C10orf90: variants seen among roughly 807,000 people sequenced by gnomAD.
C10orf90 encodes (E2-independent) E3 ubiquitin-conjugating enzyme FATS.
In C10orf90, 56 loss-of-function variants were observed where a neutral mutation model predicts 62.5. The ratio of observed to expected loss-of-function variants is 0.90; its 90% CI spans 0.72 to 1.12. The LOEUF is 1.12. Among genes scored for constraint, C10orf90 ranks in the 50% most tolerant of loss-of-function variants. The pLI is 0.00. For synonymous variants in C10orf90, 386 were observed against 340.4 expected (o/e 1.13, Z -1.47); for missense variants, 970 against 880.4 (o/e 1.10, Z -1.29).
rs1863713305 is a variant in C10orf90, at chr10:126,520,995, A to C, written c.314-7056T>G. ...TTATCCAAATGGCCCTTATCCCAAT[A>C]AGGTCACATTCACAGGGATCAGGGG... On this transcript the variant is annotated intron_variant, in intron 2 of 9. Transcript: ENST00000488181. The C allele has an allele frequency of 1.8e-5, 5 of 277,100 alleles. No homozygotes were observed. The Middle Eastern group carries it at 3.0e-3, about 167-fold the overall frequency. The allele number at this position is 277,100 out of a possible 1,614,324, so 17.2% of individuals were successfully genotyped here.
At chr10:126,468,094 T>G (rs1021507785) in intron 4 of C10orf90, among the ~76,000 whole-genome samples, 7 of 149,846 alleles carry the variant, frequency 4.7e-5, no homozygotes, top group Non-Finnish European at 7.4e-5. Flanking sequence ...TTTTTTTTTT[T>G]GACAGAGTCT....
intron 2 of C10orf90, among the ~76,000 whole-genome samples, chr10:126,533,925 A>G (rs1864168114): frequency 1.3e-5 from 2 of 152,198 alleles, no homozygotes; most frequent in Admixed American, 6.5e-5. Context: ...GAGTGGACCC[A>G]ATCCAGAGTG....
At chr10:126,521,462 A>G in intron 2 of C10orf90, 1 of 1,486,536 alleles carries the variant, frequency 6.7e-7, no homozygotes, top group Non-Finnish European at 8.9e-7. Context: ...TCCACCTTCC[A>G]GCCTCGGCCA....
Position 126,636,400 on chromosome 10 carries a change from C to T in C10orf90, c.313+10165G>A, listed in dbSNP as rs1418519252. Among the ~76,000 whole-genome samples, 5 of 152,122 alleles carry T rather than the reference C, an allele frequency of 3.3e-5. No individual in the cohort carries two copies. In the East Asian group the frequency reaches 5.8e-4, roughly 18 times the overall value. On this transcript the variant is annotated intron_variant, in intron 2 of 9. Coordinates refer to ENST00000488181, the MANE Select transcript of C10orf90 (RefSeq NM_001350921.2). The stretch of plus-strand genomic sequence containing the variant: ...TGTTGAAAAAGAAGAGAGAGGCAAG[C>T]AGGTTAGGAGGTAATTCGTTCCAAA...
At chr10:126,565,447 C>G (rs1291980940) in intron 2 of C10orf90, among the ~76,000 whole-genome samples, 12 of 70,488 alleles carry the variant, frequency 1.7e-4, no homozygotes, top group Non-Finnish European at 3.2e-4. Flanking sequence ...TACACACACA[C>G]ACACACACAC....
At chr10:126,584,553 T>C (rs1023258121) in intron 2 of C10orf90, among the ~76,000 whole-genome samples, 11 of 152,118 alleles carry the variant, frequency 7.2e-5, no homozygotes, top group African/African-American at 2.4e-4. Flanking sequence ...GCAAGCCTGG[T>C]ATTTCATTTG....
At chr10:126,472,652 G>T (rs1190734495) in intron 4 of C10orf90, among the ~76,000 whole-genome samples, 2 of 152,046 alleles carry the variant, frequency 1.3e-5, no homozygotes, top group African/African-American at 2.4e-5. Context: ...TACCAAGCAG[G>T]CAATGCTGCA....
chr10:126,565,122 A>T lies in C10orf90; in HGVS notation c.314-51183T>A, dbSNP rs1355505825. Among the ~76,000 whole-genome samples the T allele has an allele frequency of 6.2e-4, 18 of 28,848 alleles. 1 individual carries two copies. Among genetic ancestry groups the T allele is most frequent in the African/African-American group, 1.9e-3 (13 of 6,942 alleles). 18.9% of individuals were successfully genotyped at this position (28,848 alleles called of 152,430 possible). A position where few individuals can be genotyped will look rare whatever the true frequency, so the allele number is the denominator to read the frequency against. ...TAATATATAAAATATATATTATATAATATATAATATAAATATAATATTAAA... is the reference window on the plus strand; with the variant it reads ...TAATATATAAAATATATATTATATATTATATAATATAAATATAATATTAAA... On this transcript the variant is annotated intron_variant, in intron 2 of 9. Coordinates refer to ENST00000488181, the MANE Select transcript of C10orf90 (RefSeq NM_001350921.2).
At chr10:126,495,468 G>A (rs551461785) in intron 4 of C10orf90, among the ~76,000 whole-genome samples, 2 of 152,318 alleles carry the variant, frequency 1.3e-5, no homozygotes, top group South Asian at 2.1e-4. Context: ...TTGCAGTAAT[G>A]CCCTCATGGG....
intron 2 of C10orf90, among the ~76,000 whole-genome samples, chr10:126,578,252 G>A (rs907194847): frequency 6.6e-6 from 1 of 152,094 alleles, no homozygotes; most frequent in East Asian, 1.9e-4. Flanking sequence ...CAAAGAATTT[G>A]TATCCAGAGT....
chr10:126,477,852 T>A (rs1350099574), intron 4 of C10orf90, among the ~76,000 whole-genome samples: 1 of 152,214 alleles, frequency 6.6e-6, no homozygotes, highest in African/African-American at 2.4e-5. Context: ...TGTAAAATCC[T>A]GTGCTGTAGT....
intron 2 of C10orf90, among the ~76,000 whole-genome samples, chr10:126,564,803 T>A: frequency 1.1e-5 from 1 of 94,572 alleles, no homozygotes; most frequent in African/African-American, 4.3e-5. Context: ...ATGACTCAAT[T>A]ACAAGTTTAG....
Position 126,453,613 on chromosome 10 carries a change from C to T in C10orf90, c.2188+5427G>A, listed in dbSNP as rs535252906. 6.6e-6 allele frequency among the ~76,000 whole-genome samples: 1 copy of T among 152,184 alleles called. No homozygotes were observed. The highest frequency in any genetic ancestry group is 1.9e-4 in the East Asian group (1 of 5,168). Reference sequence around the variant, plus strand: ...GAAATGAGCTGAGAACAGAAGGGGGCAACGTGGGCTGAGTTTGAGCACTGT... The same window carrying T: ...GAAATGAGCTGAGAACAGAAGGGGGTAACGTGGGCTGAGTTTGAGCACTGT... On this transcript the variant is annotated intron_variant, in intron 7 of 9. Coordinates refer to ENST00000488181, the MANE Select transcript of C10orf90 (RefSeq NM_001350921.2). The surrounding 1 kb of genome is among the most constrained non-coding windows in gnomAD (Gnocchi z 4.9).
chr10:126,453,689 A>G lies in C10orf90; in HGVS notation c.2188+5351T>C, dbSNP rs542952713. Among the ~76,000 whole-genome samples, 137 of 152,232 alleles carry G rather than the reference A, an allele frequency of 9.0e-4. 1 individual carries two copies. Among genetic ancestry groups the G allele is most frequent in the Non-Finnish European group, 2.5e-4 (17 of 68,014 alleles). ...CAGGCAGTAGCAGTAATTCATAACA[A>G]AGTGCTCGGCTGAGAGATGAAAGCC... is the stretch of plus-strand genomic sequence containing the variant. On this transcript the variant is annotated intron_variant, in intron 7 of 9. Coordinates refer to ENST00000488181, the MANE Select transcript of C10orf90 (RefSeq NM_001350921.2). The surrounding 1 kb of genome is among the most constrained non-coding windows in gnomAD (Gnocchi z 4.9).
chr10:126,649,040 C>CTCTCTG (rs1846230748), intron 1 of C10orf90, among the ~76,000 whole-genome samples: 1 of 23,824 alleles, frequency 4.2e-5, no homozygotes, highest in Non-Finnish European at 9.9e-5. Flanking sequence ...CTCTGTCTCT[C>CTCTCTG]TCTCTCTCTC....
chr10:126,508,596 T>A (rs1390937610), intron 3 of C10orf90, among the ~76,000 whole-genome samples: 6 of 151,870 alleles, frequency 4.0e-5, no homozygotes, highest in African/African-American at 1.5e-4. Context: ...AGAATTTGTA[T>A]CTTTCACCAG....
chr10:126,523,263 A>G lies in C10orf90; in HGVS notation c.314-9324T>C, dbSNP rs114296103. On this transcript the variant is annotated intron_variant, in intron 2 of 9. Coordinates refer to ENST00000488181, the MANE Select transcript of C10orf90 (RefSeq NM_001350921.2). ...GAGTGTGGGTCTCTCCTGGTGACAG[A>G]GCAGGGGCACCAGACTCAAGGATGA... is the stretch of plus-strand genomic sequence containing the variant. Among the ~76,000 whole-genome samples, 665 of 152,240 alleles carry G rather than the reference A, an allele frequency of 4.4e-3. 2 individuals carry two copies. Among genetic ancestry groups the G allele is most frequent in the African/African-American group, 0.015 (637 of 41,544 alleles).
At chr10:126,496,095 C>T (rs973047502) in intron 4 of C10orf90, among the ~76,000 whole-genome samples, 8 of 152,194 alleles carry the variant, frequency 5.3e-5, no homozygotes, top group African/African-American at 1.7e-4. Context: ...TGCAATATCC[C>T]TAATTTAAAA....
At chr10:126,442,499 A>ATATATATATATATATATATATATATATG (rs1171760972) in intron 7 of C10orf90, among the ~76,000 whole-genome samples, 9 of 111,888 alleles carry the variant, frequency 8.0e-5, no homozygotes, top group African/African-American at 2.9e-4. Context: ...ATATATATAT[A>ATATATATATATATATATATATATATATG]TATATATATC....
Sources: allele counts gnomAD v4.1 joint callset (sites outside exome capture counted in the v4.1 genomes callset), GRCh38; gene constraint gnomAD v4.1.1; non-coding constraint Gnocchi (gnomAD v3.1); transcripts MANE v1.5; gene names NCBI Gene and HGNC (gene_info 2026-07-23, HGNC 2026-07-21).